The following IQCM variants were observed in gnomAD, a reference collection of about 807,000 sequenced individuals.
IQCM encodes IQ domain-containing protein M.
IQCM carries 45 observed loss-of-function variants against 57.6 expected under a neutral mutation model. That is an observed-to-expected ratio of 0.78 (90% CI 0.62 to 1.00). The LOEUF (loss-of-function observed/expected upper bound fraction) is 1.00. IQCM is among the 50% of genes least tolerant of loss of function. The probability of loss-of-function intolerance (pLI) is 0.00; values close to 1 mark genes in which losing one functional copy is unlikely to be tolerated. For missense variants in IQCM, 468 were observed against 511.6 expected (o/e 0.91, Z 0.82); for synonymous variants, 148 against 158.9 (o/e 0.93, Z 0.51).
intron 5 of IQCM, among the ~76,000 whole-genome samples, chr4:149,721,991 T>C (rs1029831220): frequency 1.3e-5 from 2 of 152,108 alleles, no homozygotes; most frequent in African/African-American, 4.8e-5. Context: ...CCATTCTGGC[T>C]ATGGTAATGT....
At chr4:149,554,496 T>G (rs1467799869) in intron 10 of IQCM, among the ~76,000 whole-genome samples, 1 of 151,942 alleles carries the variant, frequency 6.6e-6, no homozygotes, top group Non-Finnish European at 1.5e-5. Context: ...TCTGTATTTT[T>G]GTAGAGGTGG....
chr4:149,708,640 T>C (rs1764337328), intron 5 of IQCM, among the ~76,000 whole-genome samples: 1 of 152,034 alleles, frequency 6.6e-6, no homozygotes, highest in Non-Finnish European at 1.5e-5. Flanking sequence ...TAAACAGCTC[T>C]TTGTACATGA....
chr4:149,381,600 A>T (rs576112547), intron 13 of IQCM, among the ~76,000 whole-genome samples: 1 of 152,162 alleles, frequency 6.6e-6, no homozygotes, highest in African/African-American at 2.4e-5. Flanking sequence ...CTCCATTACT[A>T]ACCTTCAGGT....
At chr4:149,657,729 G>A (rs2150146243) in intron 7 of IQCM, among the ~76,000 whole-genome samples, 1 of 151,974 alleles carries the variant, frequency 6.6e-6, no homozygotes, top group Non-Finnish European at 1.5e-5. Flanking sequence ...ATCTCATTAT[G>A]GTTTTGATTT....
At position 149,523,709 on chromosome 4, in the gene IQCM, T is replaced by C. The variant is rs529252935; in HGVS notation, c.1228+24746A>G. Among the ~76,000 whole-genome samples, 73 of 152,200 alleles carry C rather than the reference T, an allele frequency of 4.8e-4. 1 individual carries two copies. In the South Asian group the frequency reaches 0.015, roughly 32 times the overall value. ...ATAGCTGGATCAATTGATGAACTGA[T>C]TGGTTGACTGACTGATAGATTTATA... On this transcript the variant is annotated intron_variant, in intron 12 of 13. Coordinates refer to ENST00000636793, the MANE Select transcript of IQCM (RefSeq NM_001363507.2).
intron 2 of IQCM, among the ~76,000 whole-genome samples, chr4:149,744,532 C>T (rs1310361878): frequency 6.6e-6 from 1 of 152,098 alleles, no homozygotes; most frequent in Admixed American, 6.6e-5. Flanking sequence ...TCCCACTGTC[C>T]TTTTAATGCA....
At chr4:149,597,432 C>G (rs1392390255) in intron 8 of IQCM, among the ~76,000 whole-genome samples, 1 of 151,994 alleles carries the variant, frequency 6.6e-6, no homozygotes, top group Non-Finnish European at 1.5e-5. Flanking sequence ...GCTCTGCTGC[C>G]CAGGCTGGAG....
At chr4:149,414,703 TA>T (rs1163720440) in intron 13 of IQCM, among the ~76,000 whole-genome samples, 2 of 151,960 alleles carry the variant, frequency 1.3e-5, no homozygotes, top group African/African-American at 4.8e-5. Context: ...TCTTTATAAG[TA>T]AAAAAATTCA....
intron 13 of IQCM, among the ~76,000 whole-genome samples, chr4:149,374,991 GTGTGTGT>G (rs1468073565): frequency 1.0e-3 from 126 of 123,440 alleles, no homozygotes; most frequent in Non-Finnish European, 1.4e-3. Flanking sequence ...GTGTGTGTGT[GTGTGTGT>G]TGTGTGTGTG....
At chr4:149,725,401 C>CTACTT (rs1765801419) in intron 5 of IQCM, among the ~76,000 whole-genome samples, 1 of 152,152 alleles carries the variant, frequency 6.6e-6, no homozygotes, top group South Asian at 2.1e-4. Flanking sequence ...AAAATAGATC[C>CTACTT]AAAGTACAGA....
chr4:149,576,017 T>G (rs1751613508), intron 9 of IQCM, among the ~76,000 whole-genome samples: 1 of 151,868 alleles, frequency 6.6e-6, no homozygotes, highest in African/African-American at 2.4e-5. Context: ...TCTTTCCTTC[T>G]GGCATAGATA....
chr4:149,782,186 T>C (rs1326271227), intron 2 of IQCM, among the ~76,000 whole-genome samples: 2 of 152,132 alleles, frequency 1.3e-5, no homozygotes, highest in African/African-American at 4.8e-5. Flanking sequence ...GCCCATGTTA[T>C]GCATAAGCAA....
At chr4:149,594,823 G>A (rs1287866617) in intron 8 of IQCM, among the ~76,000 whole-genome samples, 1 of 152,180 alleles carries the variant, frequency 6.6e-6, no homozygotes, top group African/African-American at 2.4e-5. Context: ...CTGAGAGACA[G>A]TTTGTTGTAA....
intron 9 of IQCM, among the ~76,000 whole-genome samples, chr4:149,565,623 T>C (rs565289453): frequency 2.0e-4 from 30 of 152,326 alleles, no homozygotes; most frequent in Non-Finnish European, 3.2e-4. Flanking sequence ...GAAATTTTCA[T>C]AAGAAGAATT....
At chr4:149,671,212 A>T (rs1002878084) in intron 7 of IQCM, among the ~76,000 whole-genome samples, 2 of 151,952 alleles carry the variant, frequency 1.3e-5, no homozygotes, top group Admixed American at 6.6e-5. Flanking sequence ...TAGTCTTGGG[A>T]GGGTGTGTGT....
intron 8 of IQCM, among the ~76,000 whole-genome samples, chr4:149,613,714 C>T (rs1341518744): frequency 2.0e-5 from 3 of 152,128 alleles, no homozygotes; most frequent in East Asian, 3.9e-4. Flanking sequence ...TGCTATCTCT[C>T]CCCGCTCCCC....
intron 12 of IQCM, 101 bp from the exon 13 acceptor site, chr4:149,433,658 A>G: frequency 2.3e-6 from 1 of 432,008 alleles, no homozygotes; most frequent in Non-Finnish European, 3.8e-6. Context: ...ATTTGGATAC[A>G]ACAGGTCACA....
intron 13 of IQCM, among the ~76,000 whole-genome samples, chr4:149,408,573 A>C (rs1733147634): frequency 6.6e-6 from 1 of 152,150 alleles, no homozygotes; most frequent in Non-Finnish European, 1.5e-5. Flanking sequence ...CTATAACAAC[A>C]GGAGGTGAGT....
At chr4:149,688,602 A>T (rs534518172) in intron 5 of IQCM, among the ~76,000 whole-genome samples, 2 of 151,974 alleles carry the variant, frequency 1.3e-5, no homozygotes, top group African/African-American at 4.8e-5. Context: ...TTTAAAAAAC[A>T]ATTCTAAAAT....
Sources: gnomAD v4.1 joint callset for allele counts (sites outside exome capture counted in the v4.1 genomes callset) on GRCh38, gnomAD v4.1.1 for gene constraint, MANE v1.5 for transcripts, NCBI Gene and HGNC (gene_info 2026-07-23, HGNC 2026-07-21) for gene names.